Variants in CHSY3 observed in about 807,000 individuals in gnomAD.
CHSY3 encodes the protein chondroitin sulfate synthase 3.
A neutral mutation model predicts 67.2 loss-of-function variants in CHSY3; 35 were observed. The ratio of observed to expected loss-of-function variants is 0.52; its 90% CI spans 0.40 to 0.69. The LOEUF is 0.69. Ranked by LOEUF, CHSY3 falls within the 30% of genes least tolerant of loss-of-function variation. CHSY3 has a pLI of 0.00. For synonymous variants in CHSY3, 474 were observed against 434.7 expected (o/e 1.09, Z -1.12); for missense variants, 1,069 against 1,138.5 (o/e 0.94, Z 0.88).
intron 2 of CHSY3, among the ~76,000 whole-genome samples, chr5:130,122,919 C>CTAATTGA (rs1177332024): frequency 1.4e-4 from 22 of 151,888 alleles, no homozygotes; most frequent in Admixed American, 6.6e-5. Flanking sequence ...TTCAGTTGTC[C>CTAATTGA]AGAGAGATGA....
At chr5:129,965,372 G>A (rs1328622055) in intron 2 of CHSY3, among the ~76,000 whole-genome samples, 9 of 151,888 alleles carry the variant, frequency 5.9e-5, no homozygotes, top group Admixed American at 5.9e-4. Flanking sequence ...TTTTATTGCA[G>A]AATTTCCAAA....
intron 2 of CHSY3, among the ~76,000 whole-genome samples, chr5:129,999,710 T>G (rs1195410243): frequency 6.6e-6 from 1 of 152,196 alleles, no homozygotes; most frequent in Admixed American, 6.6e-5. Context: ...CCTTTGGGAA[T>G]TTATTCCTCT....
chr5:129,970,309 A>G (rs892587246), intron 2 of CHSY3, among the ~76,000 whole-genome samples: 1 of 151,834 alleles, frequency 6.6e-6, no homozygotes, highest in African/African-American at 2.4e-5. Context: ...GGCACATAGT[A>G]GGTACTCAAC....
intron 2 of CHSY3, among the ~76,000 whole-genome samples, chr5:129,981,517 A>G (rs1762984896): frequency 6.6e-6 from 1 of 151,086 alleles, no homozygotes; most frequent in South Asian, 2.1e-4. Flanking sequence ...ATTTTTTATT[A>G]TTTTTTATAT....
intron 2 of CHSY3, among the ~76,000 whole-genome samples, chr5:130,062,647 A>G (rs1452559943): frequency 6.6e-6 from 1 of 152,164 alleles, no homozygotes; most frequent in African/African-American, 2.4e-5. Context: ...AGTGAAATTA[A>G]AGTAATTTCA....
intron 2 of CHSY3, among the ~76,000 whole-genome samples, chr5:129,948,314 G>A (rs1233821206): frequency 7.9e-5 from 12 of 151,994 alleles, no homozygotes; most frequent in East Asian, 7.7e-4. Flanking sequence ...CCCACTTTAC[G>A]GTCTTTATCC....
chr5:130,125,389 C>T (rs1768240818), intron 2 of CHSY3, among the ~76,000 whole-genome samples: 1 of 150,170 alleles, frequency 6.7e-6, no homozygotes, highest in Non-Finnish European at 1.5e-5. Flanking sequence ...TGCACTCCAG[C>T]CTGGGGAACA....
chr5:130,134,791 T>G (rs1768605062), intron 2 of CHSY3, among the ~76,000 whole-genome samples: 1 of 152,100 alleles, frequency 6.6e-6, no homozygotes, highest in Non-Finnish European at 1.5e-5. Context: ...AATAGTTAAA[T>G]TGCACCATCA....
At chr5:129,941,652 T>C (rs1761702791) in intron 2 of CHSY3, among the ~76,000 whole-genome samples, 1 of 152,184 alleles carries the variant, frequency 6.6e-6, no homozygotes, top group Non-Finnish European at 1.5e-5. Flanking sequence ...AACCATGTTT[T>C]TCCTCTAATC....
At chr5:129,960,255 T>C (rs1468624047) in intron 2 of CHSY3, among the ~76,000 whole-genome samples, 1 of 152,044 alleles carries the variant, frequency 6.6e-6, no homozygotes, top group Non-Finnish European at 1.5e-5. Flanking sequence ...CTTAATGTGG[T>C]TGAATGAATA....
chr5:129,992,065 T>C (rs923641648), intron 2 of CHSY3, among the ~76,000 whole-genome samples: 9 of 152,202 alleles, frequency 5.9e-5, no homozygotes, highest in Admixed American at 5.9e-4. Flanking sequence ...TTAATTAAAG[T>C]TGTTTTGTAG....
intron 2 of CHSY3, among the ~76,000 whole-genome samples, chr5:130,020,019 C>A (rs76116938): frequency 2.2e-3 from 342 of 152,290 alleles, no homozygotes; most frequent in African/African-American, 7.3e-3. Flanking sequence ...ATCTTACTTT[C>A]ATGAGTTATT....
At chr5:130,037,169 C>T (rs1347286688) in intron 2 of CHSY3, among the ~76,000 whole-genome samples, 1 of 152,108 alleles carries the variant, frequency 6.6e-6, no homozygotes, top group African/African-American at 2.4e-5. Context: ...ACCTTTGAGA[C>T]AGGCCATACT....
intron 2 of CHSY3, among the ~76,000 whole-genome samples, chr5:130,178,253 A>ATATATATATATTTT (rs1205782386): frequency 2.6e-4 from 12 of 45,910 alleles, no homozygotes; most frequent in Non-Finnish European, 3.5e-4. Context: ...ATATATATAT[A>ATATATATATATTTT]TTTTTTTTTT....
intron 2 of CHSY3, among the ~76,000 whole-genome samples, chr5:130,180,417 G>T (rs533867166): frequency 6.6e-6 from 1 of 151,814 alleles, no homozygotes; most frequent in South Asian, 2.1e-4. Flanking sequence ...ACTGATATTT[G>T]GTAAATTTAT....
chr5:130,003,277 G>T (rs1426401492), intron 2 of CHSY3, among the ~76,000 whole-genome samples: 1 of 152,124 alleles, frequency 6.6e-6, no homozygotes, highest in African/African-American at 2.4e-5. Context: ...GGAATTTGCT[G>T]GTATGTAAAA....
chr5:130,157,092 C>T (rs77100115), intron 2 of CHSY3, among the ~76,000 whole-genome samples: 441 of 152,336 alleles, frequency 2.9e-3, no homozygotes, highest in Non-Finnish European at 3.9e-3. Flanking sequence ...AAGTATCAGT[C>T]TGGACCAGAG....
At chr5:130,056,968 G>T (rs1232846815) in intron 2 of CHSY3, among the ~76,000 whole-genome samples, 1 of 140,322 alleles carries the variant, frequency 7.1e-6, no homozygotes, top group Admixed American at 7.4e-5. Flanking sequence ...TTGTCACCCA[G>T]GCTGGAGTGC....
intron 2 of CHSY3, among the ~76,000 whole-genome samples, chr5:130,007,332 A>G (rs1223272799): frequency 1.3e-5 from 2 of 152,172 alleles, no homozygotes; most frequent in African/African-American, 4.8e-5. Flanking sequence ...AGACACAGAC[A>G]GGAAGAGTTT....
Sources: gnomAD v4.1 joint callset for allele counts (sites outside exome capture counted in the v4.1 genomes callset) on GRCh38, gnomAD v4.1.1 for gene constraint, MANE v1.5 for transcripts, NCBI Gene and HGNC (gene_info 2026-07-23, HGNC 2026-07-21) for gene names.